The following KRT74 variants were observed in gnomAD, a reference collection of about 807,000 sequenced individuals.
The protein encoded by KRT74 is keratin, type II cytoskeletal 74.
A neutral mutation model predicts 42.7 loss-of-function variants in KRT74; 43 were observed. The ratio of observed to expected loss-of-function variants is 1.01; its 90% confidence interval spans 0.79 to 1.30. KRT74 has a LOEUF of 1.30. Ranked by LOEUF, KRT74 falls within the 50% of genes most tolerant of loss-of-function variation. The pLI is 0.00. For synonymous variants in KRT74, 302 were observed against 279.0 expected (o/e 1.08, Z -0.82); for missense variants, 736 against 689.1 (o/e 1.07, Z -0.76).
Position 52,570,002 on chromosome 12 carries a change from G to T in KRT74, c.1009-18C>A. 6.2e-7 allele frequency: 1 copy of T among 1,613,816 alleles called. No individual in the cohort carries two copies. The highest frequency in any genetic ancestry group is 8.5e-7 in the Non-Finnish European group (1 of 1,179,992). ...TCCTGGATCTGGTTTCCCAGAGATA[G>T]GAAGTTGGTGATGAGACAAGGGCAC... is the stretch of plus-strand genomic sequence containing the variant. On this transcript the variant is annotated intron_variant, in intron 5 of 8. Coordinates refer to ENST00000305620, the MANE Select transcript of KRT74 (RefSeq NM_175053.4).
chr12:52,567,166 CA>C lies in KRT74; in HGVS notation c.1392del (p.Val465SerfsTer96), dbSNP rs751669979. 6.3e-7 allele frequency: 1 copy of C among 1,592,062 alleles called. No individual in the cohort carries two copies. Among genetic ancestry groups the C allele is most frequent in the East Asian group, 2.3e-5 (1 of 44,310 alleles). On this transcript the variant is annotated frameshift_variant and splice_region_variant, in exon 9 of 9. Transcript: ENST00000305620. LOFTEE classifies it low-confidence loss of function (END_TRUNC). ...SGENPSSVSI[S>X]VISSSSYSYH... ...TAGCTGTAGCTGCTACTGCTGATGA[CA>C]GCTGAGGAGGAGGGGCCAAGAGCAG...
In KRT74 at chr12:52,571,956, C is replaced by G; in HGVS notation, c.735G>C (p.Val245=). The part of the protein sequence containing the change: ...NRRTTAENEF[V]VLKKDADAAY... Reference sequence around the variant, plus strand: ...CTCCCTCTCTTACCTTCTTAAGCACCACAAACTCATTCTCTGCTGTCGTGC... The same window carrying G: ...CTCCCTCTCTTACCTTCTTAAGCACGACAAACTCATTCTCTGCTGTCGTGC... Residue 245 remains valine, a synonymous_variant, in exon 3 of 9, where the codon GTG becomes GTC. Transcript: ENST00000305620. 2 of 1,588,992 alleles carry G rather than the reference C, an allele frequency of 1.3e-6. No individual in the cohort carries two copies. Among genetic ancestry groups the G allele is most frequent in the Non-Finnish European group, 1.7e-6 (2 of 1,157,536 alleles).
intron 8 of KRT74, 125 bp downstream of exon 8, chr12:52,567,534 C>G: frequency 1.3e-6 from 1 of 796,922 alleles, no homozygotes; most frequent in Non-Finnish European, 2.2e-6. Context: ...TCCTTTGAAG[C>G]CCAGAAACCT....
chr12:52,566,746 G>A lies in KRT74; in HGVS notation c.*223C>T, dbSNP rs529084280. 1.1e-4 allele frequency: 47 copies of A among 432,170 alleles called. No homozygotes were observed. The highest frequency in any genetic ancestry group is 5.6e-4 in the South Asian group (7 of 12,422). 26.8% of individuals were successfully genotyped at this position (432,170 alleles called of 1,614,324 possible). ...AAGCCTCCTGCCAGCCAAAGGCAGC[G>A]AGGAAAATGAGAAGTCGTTAGTCCA... On this transcript the variant is annotated 3_prime_UTR_variant, in exon 9 of 9. Coordinates refer to ENST00000305620, the MANE Select transcript of KRT74 (RefSeq NM_175053.4).
rs760750432 is a variant in KRT74 at position 52,566,989 on chromosome 12, C to G, written c.1570G>C (p.Ala524Pro). 3 of 1,609,624 alleles carry G rather than the reference C, an allele frequency of 1.9e-6. No homozygotes were observed. In the African/African-American group the frequency reaches 4.0e-5, roughly 22 times the overall value. ...TGGGTCTAGCGGGTGGCTTTCCTTG[C>G]TGGGATGCTGGCTGGGGTGCTCTTG... ...QGKSTPASIP[A>P]RKATR The change falls in exon 9 of 9, where the codon GCA becomes CCA. Residue 524 changes from alanine to proline, a missense_variant. Transcript: ENST00000305620.
chr12:52,570,063 C>A lies in KRT74; in HGVS notation c.1009-79G>T, dbSNP rs900143824. The A allele has an allele frequency of 6.5e-5, 98 of 1,517,508 alleles. No homozygotes were observed. In the Admixed American group the frequency reaches 1.7e-3, roughly 26 times the overall value. 94.0% of individuals were successfully genotyped at this position (1,517,508 alleles called of 1,614,324 possible). A position where few individuals can be genotyped will look rare whatever the true frequency, so the allele number is the denominator to read the frequency against. ...TCCTGTAAATAAGCCACCCCTGCCA[C>A]CCTGGCTGTCGGTGGGATTTAACGG... On this transcript the variant is annotated intron_variant, in intron 5 of 8. Transcript: ENST00000305620.
In KRT74 at chr12:52,566,196, T is replaced by G. The variant is rs1412015802; in HGVS notation, c.*773A>C. ...TGACTCTGGCACATAGGTGGGTGAC[T>G]GGGGCCAGTTCAGCAGCCTCTTGGG... On this transcript the variant is annotated 3_prime_UTR_variant, in exon 9 of 9. Coordinates refer to ENST00000305620, the MANE Select transcript of KRT74 (RefSeq NM_175053.4). 1 of 152,212 alleles carries G rather than the reference T, an allele frequency of 6.6e-6. No individual in the cohort carries two copies. The highest frequency in any genetic ancestry group is 1.5e-5 in the Non-Finnish European group (1 of 68,042). The allele number at this position is 152,212 out of a possible 1,614,324, so 9.4% of individuals were successfully genotyped here. A position where few individuals can be genotyped will look rare whatever the true frequency, so the allele number is the denominator to read the frequency against.
At chr12:52,572,706 G>A (rs1230122830) in intron 1 of KRT74, 39 bp from the exon 2 acceptor site, 1 of 1,569,190 alleles carries the variant, frequency 6.4e-7, no homozygotes, top group Non-Finnish European at 8.8e-7. Context: ...ACCACAATGG[G>A]TGCAGTCATG....
chr12:52,569,515 T>C (rs905966252), intron 6 of KRT74: 47 of 602,664 alleles, frequency 7.8e-5, no homozygotes, highest in Non-Finnish European at 1.2e-4. Context: ...GGCAGGTTCA[T>C]TGGACACAGA....
At chr12:52,567,837 A>T (rs1258606917) in intron 7 of KRT74, 144 bp from the exon 8 acceptor site, 2 of 735,154 alleles carry the variant, frequency 2.7e-6, no homozygotes, top group East Asian at 5.3e-5. Flanking sequence ...TTCATCTTAC[A>T]GATGAGAAAA....
chr12:52,571,314 C>T lies in KRT74; in HGVS notation c.843+45G>A, dbSNP rs12322880. ...CCTTTTGGTATCTCCCTGGAAGAGT[C>T]GGGAAGGAGGCAGGGTGAGGGTGGG... On this transcript the variant is annotated intron_variant, in intron 4 of 8. Transcript: ENST00000305620. The T allele has an allele frequency of 1.8e-4, 216 of 1,173,584 alleles. 2 individuals are homozygous for T. In the African/African-American group the frequency reaches 2.7e-3, roughly 15 times the overall value. 72.7% of individuals were successfully genotyped at this position (1,173,584 alleles called of 1,614,324 possible). A position where few individuals can be genotyped will look rare whatever the true frequency, so the allele number is the denominator to read the frequency against.
chr12:52,568,364 G>A lies in KRT74; in HGVS notation c.1160C>T (p.Ala387Val). ...ATTGTCTCCCCGCTGCTCAGCGTCA[G>A]CGATGGCCGTCTCCAGGCTGGCACG... ...KQRASLETAI[A>V]DAEQRGDNAL... The change falls in exon 7 of 9, where the codon GCT becomes GTT. Residue 387 changes from alanine (A) to valine (V), a missense_variant. Coordinates refer to ENST00000305620, the MANE Select transcript of KRT74 (RefSeq NM_175053.4). 1.2e-6 allele frequency: 2 copies of A among 1,614,228 alleles called. No homozygotes were observed. Among genetic ancestry groups the A allele is most frequent in the South Asian group, 2.2e-5 (2 of 91,090 alleles).
intron 3 of KRT74, 150 bp from the exon 4 acceptor site, chr12:52,571,604 C>A (rs1383944308): frequency 2.8e-6 from 2 of 702,080 alleles, no homozygotes; most frequent in Non-Finnish European, 5.1e-6. Context: ...CTGCCTGAAG[C>A]TTTGGGAATA....
In KRT74 at chr12:52,568,219, C is replaced by T; in HGVS notation, c.1305G>A (p.Leu435=). The change falls in exon 7 of 9, where the codon CTG becomes CTA. Residue 435 remains leucine (L), a synonymous_variant. Coordinates refer to ENST00000305620, the MANE Select transcript of KRT74 (RefSeq NM_175053.4). ...YQELMSLKLA[L]DMEIATYRKL... ...TGCGGTAGGTGGCAATCTCCATGTC[C>T]AGGGCCAGTTTCAGGCTCATGAGCT... The T allele has an allele frequency of 6.2e-7, 1 of 1,614,174 alleles. No homozygotes were observed. The highest frequency in any genetic ancestry group is 8.5e-7 in the Non-Finnish European group (1 of 1,180,028).
chr12:52,572,798 C>T (rs1939511464), intron 1 of KRT74, 131 bp from the exon 2 acceptor site: 1 of 806,892 alleles, frequency 1.2e-6, no homozygotes, highest in Admixed American at 2.0e-5. Flanking sequence ...ACTCTCCACC[C>T]TTGCCATTCC....
At chr12:52,571,091 T>C (rs1016918102) in intron 4 of KRT74, among the ~76,000 whole-genome samples, 1 of 152,202 alleles carries the variant, frequency 6.6e-6, no homozygotes, top group African/African-American at 2.4e-5. Flanking sequence ...TTTCACAGAA[T>C]CCAAGGCTCT....
intron 6 of KRT74, among the ~76,000 whole-genome samples, chr12:52,569,013 C>T (rs897670066): frequency 1.3e-5 from 2 of 152,204 alleles, no homozygotes; most frequent in Non-Finnish European, 2.9e-5. Flanking sequence ...GAACTATGCT[C>T]ATGGAATTTG....
intron 5 of KRT74, 26 bp downstream of exon 5, chr12:52,570,643 T>C: frequency 6.2e-7 from 1 of 1,613,952 alleles, no homozygotes; most frequent in Non-Finnish European, 8.5e-7. Context: ...AGGGCTGCTG[T>C]GGGAGGAGAC....
chr12:52,567,582 C>T, intron 8 of KRT74, 77 bp downstream of exon 8: 1 of 1,037,758 alleles, frequency 9.6e-7, no homozygotes, highest in South Asian at 1.3e-5. Context: ...GGAGGTGAGA[C>T]AGTAAATGGA....
Sources: gnomAD v4.1 joint callset for allele counts (sites outside exome capture counted in the v4.1 genomes callset) on GRCh38, gnomAD v4.1.1 for gene constraint, MANE v1.5 for transcripts, NCBI Gene and HGNC (gene_info 2026-07-23, HGNC 2026-07-21) for gene names.